Variants in RAPGEF2 observed in about 807,000 individuals in gnomAD.
RAPGEF2 encodes the protein Rap guanine nucleotide exchange factor 2, also known as PDZ domain containing guanine nucleotide exchange factor (GEF) 1.
A neutral mutation model predicts 186.7 loss-of-function variants in RAPGEF2; 54 were observed. That is an observed-to-expected ratio of 0.29 (90% CI 0.23 to 0.36). The LOEUF (loss-of-function observed/expected upper bound fraction) is 0.36. Ranked by LOEUF, RAPGEF2 falls within the 10% of genes least tolerant of loss-of-function variation. The pLI is 1.00. For synonymous variants in RAPGEF2, 712 were observed against 705.9 expected (o/e 1.01, Z -0.14); for missense variants, 1,532 against 2,045.0 (o/e 0.75, Z 4.84).
intron 1 of RAPGEF2, among the ~76,000 whole-genome samples, chr4:159,157,772 C>T (rs150452464): frequency 7.2e-5 from 11 of 152,330 alleles, no homozygotes; most frequent in African/African-American, 1.2e-4. Flanking sequence ...TTGAAAAACA[C>T]TCCCAACATA....
intron 4 of RAPGEF2, among the ~76,000 whole-genome samples, chr4:159,223,527 TTTA>T (rs1009911965): frequency 6.6e-6 from 1 of 152,212 alleles, no homozygotes; most frequent in Non-Finnish European, 1.5e-5. Context: ...ATTGTTGTGT[TTTA>T]TTATTATTTT....
chr4:159,186,638 A>G lies in RAPGEF2; in HGVS notation c.70-4A>G. ...AATAATTTCTATTCTTTTCTTTGAA[A>G]CAGGATCTGGAAATAGTATATTCCT... On this transcript the variant is annotated splice_region_variant and splice_polypyrimidine_tract_variant and intron_variant, in intron 1 of 29. Coordinates refer to ENST00000691494, the MANE Select transcript of RAPGEF2 (RefSeq NM_001394067.2). 1 of 1,409,192 alleles carries G rather than the reference A, an allele frequency of 7.1e-7. No individual in the cohort carries two copies. The highest frequency in any genetic ancestry group is 9.4e-7 in the Non-Finnish European group (1 of 1,060,990). 87.3% of individuals were successfully genotyped at this position (1,409,192 alleles called of 1,614,324 possible).
intron 1 of RAPGEF2, among the ~76,000 whole-genome samples, chr4:159,104,476 TA>T (rs1421257392): frequency 7.1e-6 from 1 of 140,262 alleles, no homozygotes; most frequent in Non-Finnish European, 1.5e-5. Context: ...CCTTTCCCAC[TA>T]TGTTGCCCAG....
chr4:159,269,963 C>G (rs559896433), intron 7 of RAPGEF2, among the ~76,000 whole-genome samples: 1 of 152,346 alleles, frequency 6.6e-6, no homozygotes, highest in African/African-American at 2.4e-5. Context: ...AAACTAGAGT[C>G]CCTGATCTTA....
intron 8 of RAPGEF2, among the ~76,000 whole-genome samples, chr4:159,305,220 C>T (rs1051927720): frequency 2.0e-5 from 3 of 152,040 alleles, no homozygotes; most frequent in Admixed American, 1.3e-4. Flanking sequence ...TAGATTGAAT[C>T]GTAGTTCTAT....
intron 1 of RAPGEF2, among the ~76,000 whole-genome samples, chr4:159,132,147 A>G (rs1247460993): frequency 6.6e-6 from 1 of 152,216 alleles, no homozygotes; most frequent in African/African-American, 2.4e-5. Flanking sequence ...AGAATTTATC[A>G]AGAATTGAGA....
chr4:159,221,584 G>A (rs1222103310), intron 4 of RAPGEF2, among the ~76,000 whole-genome samples: 1 of 152,172 alleles, frequency 6.6e-6, no homozygotes, highest in African/African-American at 2.4e-5. Flanking sequence ...TCCTTCTAAG[G>A]AGAAAGAGGA....
chr4:159,204,891 C>T, intron 3 of RAPGEF2, among the ~76,000 whole-genome samples: 1 of 152,122 alleles, frequency 6.6e-6, no homozygotes. Flanking sequence ...CTTCAGATTT[C>T]TGTTTTTTGC....
chr4:159,246,613 G>C (rs969771417), intron 7 of RAPGEF2, among the ~76,000 whole-genome samples: 8 of 152,098 alleles, frequency 5.3e-5, no homozygotes, highest in African/African-American at 1.9e-4. Flanking sequence ...AGTTTCAAAA[G>C]TCATTCAGCT....
At chr4:159,112,723 T>C (rs1316301228) in intron 1 of RAPGEF2, among the ~76,000 whole-genome samples, 3 of 152,146 alleles carry the variant, frequency 2.0e-5, no homozygotes. Context: ...TAGCAATTGT[T>C]ACAGGCAGGA....
intron 1 of RAPGEF2, among the ~76,000 whole-genome samples, chr4:159,146,917 A>T (rs933751317): frequency 1.3e-5 from 2 of 152,210 alleles, no homozygotes; most frequent in South Asian, 4.1e-4. Context: ...ATAAAGGTTT[A>T]AAAAAAGAGT....
intron 3 of RAPGEF2, among the ~76,000 whole-genome samples, chr4:159,202,914 C>CT (rs1308264905): frequency 6.6e-6 from 1 of 152,150 alleles, no homozygotes; most frequent in Non-Finnish European, 1.5e-5. Context: ...CATGAGCAAC[C>CT]TTTTTGGCTG....
At chr4:159,149,079 A>C (rs185798547) in intron 1 of RAPGEF2, among the ~76,000 whole-genome samples, 2 of 152,304 alleles carry the variant, frequency 1.3e-5, no homozygotes, top group Non-Finnish European at 2.9e-5. Context: ...TGACTTGACT[A>C]AGCCACCCTT....
At chr4:159,149,023 T>C (rs1482714118) in intron 1 of RAPGEF2, among the ~76,000 whole-genome samples, 1 of 152,186 alleles carries the variant, frequency 6.6e-6, no homozygotes, top group African/African-American at 2.4e-5. Flanking sequence ...GCATCTTGCC[T>C]CTCTAAGGCT....
chr4:159,170,304 C>G (rs970371594), intron 1 of RAPGEF2, among the ~76,000 whole-genome samples: 2 of 151,762 alleles, frequency 1.3e-5, no homozygotes, highest in African/African-American at 4.8e-5. Context: ...TGTATATTAA[C>G]CCCCTATCAG....
chr4:159,200,290 C>T (rs567800504), intron 3 of RAPGEF2, among the ~76,000 whole-genome samples: 70 of 151,794 alleles, frequency 4.6e-4, no homozygotes, highest in South Asian at 3.1e-3. Flanking sequence ...CAAAATGGCA[C>T]GACCCTATCT....
intron 1 of RAPGEF2, among the ~76,000 whole-genome samples, chr4:159,106,265 A>G (rs931974630): frequency 1.3e-5 from 2 of 152,212 alleles, no homozygotes; most frequent in African/African-American, 2.4e-5. Flanking sequence ...TGTCAGCCCT[A>G]TTAACTTTGA....
chr4:159,280,350 G>A (rs1463230831), intron 7 of RAPGEF2, among the ~76,000 whole-genome samples: 2 of 152,190 alleles, frequency 1.3e-5, no homozygotes, highest in Non-Finnish European at 2.9e-5. Context: ...CTTTTAGAAA[G>A]CTGTATTAAG....
At chr4:159,160,973 T>A (rs1475413208) in intron 1 of RAPGEF2, among the ~76,000 whole-genome samples, 2 of 133,460 alleles carry the variant, frequency 1.5e-5, no homozygotes, top group South Asian at 2.6e-4. Context: ...CGAACCTAAT[T>A]AGAAATTAAA....
Sources: allele counts gnomAD v4.1 joint callset (sites outside exome capture counted in the v4.1 genomes callset), GRCh38; gene constraint gnomAD v4.1.1; transcripts MANE v1.5; gene names NCBI Gene and HGNC (gene_info 2026-07-23, HGNC 2026-07-21).